CADM2: variants seen among roughly 807,000 people sequenced by gnomAD.
The protein encoded by CADM2 is immunoglobulin superfamily member 4D.
Under a neutral mutation model 49.8 loss-of-function variants are expected in CADM2, and 12 were observed. That is an observed-to-expected ratio of 0.24 (90% CI 0.15 to 0.39). CADM2 has a LOEUF of 0.39. CADM2 is among the 10% of genes least tolerant of loss of function. The pLI is 1.00. For synonymous variants in CADM2, 214 were observed against 175.4 expected (o/e 1.22, Z -1.74); for missense variants, 378 against 492.3 (o/e 0.77, Z 2.20).
At chr3:85,238,767 G>A (rs927769190) in intron 1 of CADM2, among the ~76,000 whole-genome samples, 11 of 151,842 alleles carry the variant, frequency 7.2e-5, no homozygotes, top group Admixed American at 7.2e-4. Context: ...TCTTAGTTAT[G>A]TAAAATCCCC....
intron 3 of CADM2, among the ~76,000 whole-genome samples, chr3:85,880,410 C>A (rs975644866): frequency 6.6e-6 from 1 of 151,972 alleles, no homozygotes; most frequent in African/African-American, 2.4e-5. Context: ...TTCATTCTTT[C>A]TTCTTGATGC....
intron 1 of CADM2, among the ~76,000 whole-genome samples, chr3:85,347,633 ATATATACATATATATATATT>A (rs2030867141): frequency 1.6e-4 from 8 of 49,144 alleles, no homozygotes; most frequent in African/African-American, 3.4e-4. Context: ...ATATATAAAT[ATATATACATATATATATATT>A]TTTTTTAAGA....
intron 8 of CADM2, among the ~76,000 whole-genome samples, chr3:86,021,910 A>G (rs1217225074): frequency 2.0e-5 from 3 of 152,174 alleles, no homozygotes; most frequent in African/African-American, 7.2e-5. Flanking sequence ...CTAATACACA[A>G]CATGAGAACT....
intron 1 of CADM2, among the ~76,000 whole-genome samples, chr3:85,608,070 G>A (rs1222496102): frequency 1.3e-5 from 2 of 152,130 alleles, no homozygotes; most frequent in Admixed American, 6.6e-5. Context: ...CCTAGCCACT[G>A]TGTATAGAGA....
intron 1 of CADM2, among the ~76,000 whole-genome samples, chr3:85,457,728 G>A (rs1386025890): frequency 2.6e-5 from 4 of 152,096 alleles, no homozygotes; most frequent in African/African-American, 9.7e-5. Context: ...GAATTTGTTT[G>A]TAATGATTGA....
intron 1 of CADM2, among the ~76,000 whole-genome samples, chr3:85,474,429 ATCT>A (rs1026488133): frequency 3.3e-5 from 5 of 151,958 alleles, no homozygotes; most frequent in African/African-American, 1.2e-4. Context: ...ATGGAAGGTA[ATCT>A]TCTTTCCTCC....
intron 1 of CADM2, among the ~76,000 whole-genome samples, chr3:85,287,370 A>G (rs2043659731): frequency 6.6e-6 from 1 of 152,088 alleles, no homozygotes; most frequent in Admixed American, 6.6e-5. Context: ...ATCATAAAAG[A>G]AATATTACAT....
chr3:85,147,750 A>T (rs2039797850), intron 1 of CADM2, among the ~76,000 whole-genome samples: 1 of 152,168 alleles, frequency 6.6e-6, no homozygotes, highest in East Asian at 1.9e-4. Context: ...TAAGAATTTT[A>T]TTTATGTTGA....
rs529928280 is a variant in CADM2 at position 85,294,177 on chromosome 3, A to C, written c.61+334509A>C. 2.1e-3 allele frequency among the ~76,000 whole-genome samples: 314 copies of C among 152,176 alleles called. 4 individuals carry two copies. Among genetic ancestry groups the C allele is most frequent in the Admixed American group, 0.017 (260 of 15,268 alleles). On this transcript the variant is annotated intron_variant, in intron 1 of 9. Transcript: ENST00000383699. ...AACAGAGAGCCAAATCATGAGTGAA[A>C]TCCCATTCACAATTGCTTCAAAGAC...
At chr3:85,152,313 C>A (rs907368112) in intron 1 of CADM2, among the ~76,000 whole-genome samples, 1 of 152,060 alleles carries the variant, frequency 6.6e-6, no homozygotes, top group Non-Finnish European at 1.5e-5. Context: ...GTGTACTGGG[C>A]CAGTAGGTGC....
intron 5 of CADM2, among the ~76,000 whole-genome samples, chr3:85,889,487 C>T (rs771680244): frequency 1.3e-5 from 2 of 152,250 alleles, no homozygotes; most frequent in Non-Finnish European, 2.9e-5. Flanking sequence ...ATGATGTTGA[C>T]GCTCCTGTTT....
chr3:85,028,468 A>C (rs1328962438), intron 1 of CADM2, among the ~76,000 whole-genome samples: 2 of 152,190 alleles, frequency 1.3e-5, no homozygotes, highest in Non-Finnish European at 2.9e-5. Context: ...GTTAGAACTA[A>C]GAAAACTATG....
At chr3:85,214,592 T>C (rs2041877664) in intron 1 of CADM2, among the ~76,000 whole-genome samples, 1 of 151,858 alleles carries the variant, frequency 6.6e-6, no homozygotes, top group African/African-American at 2.4e-5. Flanking sequence ...AGCCAGGGCC[T>C]GGAGTAGGGT....
At chr3:85,604,372 A>AG in intron 1 of CADM2, among the ~76,000 whole-genome samples, 1 of 151,786 alleles carries the variant, frequency 6.6e-6, no homozygotes, top group Non-Finnish European at 1.5e-5. Context: ...CTACCACCTA[A>AG]TCCTTTGATT....
At chr3:85,754,655 C>T (rs2069017813) in intron 2 of CADM2, among the ~76,000 whole-genome samples, 1 of 151,944 alleles carries the variant, frequency 6.6e-6, no homozygotes, top group East Asian at 1.9e-4. Flanking sequence ...CAAAATAGTG[C>T]TAATCAAATT....
chr3:85,412,537 T>C (rs1426889902), intron 1 of CADM2, among the ~76,000 whole-genome samples: 1 of 150,346 alleles, frequency 6.7e-6, no homozygotes, highest in Admixed American at 6.6e-5. Flanking sequence ...GTAATTCGTT[T>C]TTTTTTTTTT....
intron 1 of CADM2, among the ~76,000 whole-genome samples, chr3:85,674,470 C>T (rs1407555482): frequency 2.0e-5 from 3 of 152,010 alleles, no homozygotes; most frequent in African/African-American, 7.2e-5. Context: ...AAAGAAGTCA[C>T]CAGGAATATA....
At chr3:85,151,303 C>T (rs1020341097) in intron 1 of CADM2, among the ~76,000 whole-genome samples, 1 of 152,124 alleles carries the variant, frequency 6.6e-6, no homozygotes, top group East Asian at 1.9e-4. Flanking sequence ...TTAAAAGCAC[C>T]CTTCTGAATG....
At chr3:85,163,220 T>C (rs2107671364) in intron 1 of CADM2, among the ~76,000 whole-genome samples, 1 of 152,254 alleles carries the variant, frequency 6.6e-6, no homozygotes, top group Middle Eastern at 3.4e-3. Flanking sequence ...CTAGTCCATG[T>C]AGACTGAATG....
Sources: gnomAD v4.1 joint callset for allele counts (sites outside exome capture counted in the v4.1 genomes callset) on GRCh38, gnomAD v4.1.1 for gene constraint, MANE v1.5 for transcripts, NCBI Gene and HGNC (gene_info 2026-07-23, HGNC 2026-07-21) for gene names.